Variants in ITGA8 observed in about 807,000 individuals in gnomAD.
ITGA8 encodes integrin alpha-8.
In ITGA8, 91 loss-of-function variants were observed where a neutral mutation model predicts 142.3. The ratio of observed to expected loss-of-function variants is 0.64; its 90% CI spans 0.54 to 0.76. The LOEUF (loss-of-function observed/expected upper bound fraction) is 0.76, where lower values mean the gene tolerates loss of function less well. Ranked by LOEUF, ITGA8 falls within the 30% of genes least tolerant of loss-of-function variation. ITGA8 has a pLI of 0.00. For synonymous variants in ITGA8, 505 were observed against 485.2 expected (o/e 1.04, Z -0.54); for missense variants, 1,406 against 1,327.7 (o/e 1.06, Z -0.92).
intron 2 of ITGA8, among the ~76,000 whole-genome samples, chr10:15,713,873 C>CTTTTAT (rs373843145): frequency 0.013 from 1,927 of 151,770 alleles, 17 homozygotes; most frequent in Non-Finnish European, 0.021. Context: ...TTTCTTTTTC[C>CTTTTAT]TTTTATTTTT....
chr10:15,657,510 A>ATTTT lies in ITGA8; in HGVS notation c.948+1485_948+1488dup, dbSNP rs34510305. On this transcript the variant is annotated intron_variant, in intron 10 of 29. Transcript: ENST00000378076. ...TGCTGGTTTCTTTTTCTTTTCTTTC[A>ATTTT]TTTTTTTTTTTTTTTTTTTTTAACA... 3.9e-3 allele frequency among the ~76,000 whole-genome samples: 521 copies of ATTTT among 132,484 alleles called. 4 individuals are homozygous for ATTTT. Among genetic ancestry groups the ATTTT allele is most frequent in the African/African-American group, 0.014 (499 of 35,174 alleles). 86.9% of individuals were successfully genotyped at this position (132,484 alleles called of 152,430 possible). A position where few individuals can be genotyped will look rare whatever the true frequency, so the allele number is the denominator to read the frequency against.
intron 25 of ITGA8, 46 bp from the exon 26 acceptor site, chr10:15,558,248 G>A (rs1169639812): frequency 6.2e-7 from 1 of 1,604,598 alleles, no homozygotes; most frequent in Admixed American, 1.7e-5. Flanking sequence ...CACATGAACA[G>A]TTGCTACATT....
intron 2 of ITGA8, among the ~76,000 whole-genome samples, chr10:15,694,001 T>C (rs1023234040): frequency 2.6e-5 from 4 of 151,202 alleles, no homozygotes; most frequent in African/African-American, 9.7e-5. Context: ...GATGTTGATG[T>C]TGTACTACAG....
chr10:15,698,564 CCAA>C (rs1365433209), intron 2 of ITGA8, among the ~76,000 whole-genome samples: 11 of 152,178 alleles, frequency 7.2e-5, no homozygotes, highest in Admixed American at 6.5e-4. Context: ...AACATCCACA[CCAA>C]CATCTATTTT....
intron 15 of ITGA8, among the ~76,000 whole-genome samples, chr10:15,612,485 G>C (rs1277570209): frequency 6.6e-6 from 1 of 152,144 alleles, no homozygotes; most frequent in East Asian, 1.9e-4. Context: ...ATCTTTCAGA[G>C]GGTATACCCT....
chr10:15,683,122 T>C (rs1834768453), intron 4 of ITGA8, among the ~76,000 whole-genome samples: 1 of 152,240 alleles, frequency 6.6e-6, no homozygotes, highest in African/African-American at 2.4e-5. Flanking sequence ...GAATCTTCTT[T>C]CTACTACATT....
intron 23 of ITGA8, among the ~76,000 whole-genome samples, chr10:15,579,798 A>G (rs2131586703): frequency 6.6e-6 from 1 of 152,170 alleles, no homozygotes; most frequent in South Asian, 2.1e-4. Flanking sequence ...TAAGGAAGAA[A>G]TCACAAAGAA....
At chr10:15,548,352 C>T (rs972291905) in intron 27 of ITGA8, 103 bp downstream of exon 27, 6 of 785,928 alleles carry the variant, frequency 7.6e-6, no homozygotes, top group African/African-American at 1.8e-5. Flanking sequence ...CTCGGACTTC[C>T]ACAGTGTTAA....
intron 20 of ITGA8, among the ~76,000 whole-genome samples, chr10:15,602,185 G>A: frequency 6.6e-6 from 1 of 152,268 alleles, no homozygotes; most frequent in East Asian, 1.9e-4. Flanking sequence ...AATATGAGTG[G>A]AGCTCTGGAA....
intron 25 of ITGA8, among the ~76,000 whole-genome samples, chr10:15,567,549 C>T (rs1038251850): frequency 2.6e-5 from 4 of 152,156 alleles, no homozygotes; most frequent in Admixed American, 2.6e-4. Flanking sequence ...GGAGGGAGAC[C>T]CTTCCCGGGC....
At chr10:15,557,707 A>G (rs1044086389) in intron 26 of ITGA8, among the ~76,000 whole-genome samples, 2 of 152,190 alleles carry the variant, frequency 1.3e-5, no homozygotes, top group Non-Finnish European at 2.9e-5. Flanking sequence ...AGATTCTGGG[A>G]CAGGTGCAGA....
chr10:15,516,398 C>T lies in ITGA8; in HGVS notation c.*760G>A, dbSNP rs904785516. On this transcript the variant is annotated 3_prime_UTR_variant, in exon 30 of 30. Transcript: ENST00000378076. Reference sequence around the variant, plus strand: ...AGAACTGATTCCTAATGCCAATCTTCCTTTCCTTAGCACTGTCTAAATTCT... The same window carrying T: ...AGAACTGATTCCTAATGCCAATCTTTCTTTCCTTAGCACTGTCTAAATTCT... 2.6e-5 allele frequency: 4 copies of T among 152,178 alleles called. No homozygotes were observed. Among genetic ancestry groups the T allele is most frequent in the Non-Finnish European group, 5.9e-5 (4 of 68,014 alleles). The allele number at this position is 152,178 out of a possible 1,614,324, so 9.4% of individuals were successfully genotyped here.
chr10:15,521,275 C>T (rs1043303884), intron 28 of ITGA8, among the ~76,000 whole-genome samples: 5 of 152,080 alleles, frequency 3.3e-5, no homozygotes, highest in African/African-American at 7.2e-5. Flanking sequence ...CCACCCGCCT[C>T]GGCCTCCCAA....
intron 25 of ITGA8, among the ~76,000 whole-genome samples, chr10:15,564,250 A>AAAAAC (rs1225157093): frequency 1.3e-5 from 2 of 152,230 alleles, no homozygotes; most frequent in African/African-American, 2.4e-5. Flanking sequence ...GAAATTATTT[A>AAAAAC]AAAACAAAAC....
chr10:15,530,437 T>TG (rs1833264362), intron 28 of ITGA8, among the ~76,000 whole-genome samples: 3 of 142,830 alleles, frequency 2.1e-5, no homozygotes, highest in Non-Finnish European at 4.5e-5. Flanking sequence ...TCCTAGCTAC[T>TG]CGGGAGGCTG....
intron 25 of ITGA8, among the ~76,000 whole-genome samples, chr10:15,558,732 CA>C (rs1175861976): frequency 6.6e-6 from 1 of 152,140 alleles, no homozygotes; most frequent in Non-Finnish European, 1.5e-5. Flanking sequence ...TCTGCCCTGA[CA>C]AAAATGACTT....
chr10:15,701,269 C>T (rs1002023348), intron 2 of ITGA8, among the ~76,000 whole-genome samples: 2 of 152,110 alleles, frequency 1.3e-5, no homozygotes, highest in African/African-American at 4.8e-5. Flanking sequence ...GTGTCATTGG[C>T]TTTTATATTT....
Position 15,592,279 on chromosome 10 carries a change from A to G in ITGA8, c.2237T>C (p.Val746Ala). The G allele has an allele frequency of 1.2e-6, 2 of 1,613,758 alleles. No homozygotes were observed. The highest frequency in any genetic ancestry group is 1.1e-5 in the South Asian group (1 of 91,056). Residue 746 changes from valine to alanine, a missense_variant, in exon 22 of 30, where the codon GTT (valine) becomes GCT (alanine). Physicochemically the swap from Val to Ala is moderately conservative, Grantham distance 64. Coordinates refer to ENST00000378076, the MANE Select transcript of ITGA8 (RefSeq NM_003638.3). ...CATGTTTGTTTTCTCAAGACGTGGA[A>G]CTGCAAATCGGAGGCCCAGGGAATA... is the stretch of plus-strand genomic sequence containing the variant. Reference protein sequence around the residue: ...TNYSLGLRFAVPRLEKTNMSI... With the variant: ...TNYSLGLRFAAPRLEKTNMSI...
chr10:15,649,637 G>A (rs1693388901), intron 11 of ITGA8, among the ~76,000 whole-genome samples: 1 of 150,624 alleles, frequency 6.6e-6, no homozygotes, highest in Admixed American at 6.6e-5. Context: ...AAAAAAATTG[G>A]GCAAAGATTT....
Sources: gnomAD v4.1 joint callset for allele counts (sites outside exome capture counted in the v4.1 genomes callset) on GRCh38, gnomAD v4.1.1 for gene constraint, MANE v1.5 for transcripts, NCBI Gene and HGNC (gene_info 2026-07-23, HGNC 2026-07-21) for gene names.